Variants in NME7 observed in about 807,000 individuals in gnomAD.
NME7 encodes nucleoside diphosphate kinase 7.
NME7 carries 41 observed loss-of-function variants against 49.1 expected under a neutral mutation model. The ratio of observed to expected loss-of-function variants is 0.83; its 90% CI spans 0.65 to 1.08. The LOEUF (loss-of-function observed/expected upper bound fraction) is 1.08, where lower values mean the gene tolerates loss of function less well. Ranked by LOEUF, NME7 falls within the 50% of genes least tolerant of loss-of-function variation. The pLI is 0.00. For synonymous variants in NME7, 139 were observed against 150.6 expected (o/e 0.92, Z 0.56); for missense variants, 423 against 463.4 (o/e 0.91, Z 0.80).
At position 169,274,853 on chromosome 1, in the gene NME7, T is replaced by C. The variant is rs1055947306; in HGVS notation, c.754+12450A>G. On this transcript the variant is annotated intron_variant, in intron 7 of 11. Transcript: ENST00000367811. The stretch of plus-strand genomic sequence containing the variant: ...CTCTGTTTTGGTACCAGTACCATGC[T>C]GTTTTGGTTACTGTAGCCTTGTAGT... 3.1e-4 allele frequency among the ~76,000 whole-genome samples: 41 copies of C among 134,100 alleles called. 4 individuals are homozygous for C. The highest frequency in any genetic ancestry group is 9.6e-4 in the African/African-American group (38 of 39,686). The allele number at this position is 134,100 out of a possible 152,430, so 88.0% of individuals were successfully genotyped here. A position where few individuals can be genotyped will look rare whatever the true frequency, so the allele number is the denominator to read the frequency against.
At chr1:169,188,530 C>A (rs973961793) in intron 10 of NME7, among the ~76,000 whole-genome samples, 1 of 152,190 alleles carries the variant, frequency 6.6e-6, no homozygotes, top group African/African-American at 2.4e-5. Context: ...CCACAAAGAG[C>A]ACACCTGGCT....
intron 10 of NME7, among the ~76,000 whole-genome samples, chr1:169,193,154 T>C (rs1473933307): frequency 6.6e-6 from 1 of 151,994 alleles, no homozygotes; most frequent in Non-Finnish European, 1.5e-5. Flanking sequence ...CCACAAATAA[T>C]AATAATAATA....
chr1:169,246,990 T>C (rs1442976804), intron 7 of NME7: 3 of 454,592 alleles, frequency 6.6e-6, no homozygotes, highest in African/African-American at 2.0e-5. Context: ...CTCCATACCA[T>C]CATAGGGACA....
intron 3 of NME7, among the ~76,000 whole-genome samples, chr1:169,319,116 T>A (rs758083100): frequency 2.0e-5 from 3 of 151,978 alleles, no homozygotes; most frequent in Non-Finnish European, 2.9e-5. Context: ...CATTCATACA[T>A]TATGATATCC....
chr1:169,211,034 C>T (rs1187324351), intron 10 of NME7, among the ~76,000 whole-genome samples: 1 of 151,904 alleles, frequency 6.6e-6, no homozygotes, highest in Non-Finnish European at 1.5e-5. Flanking sequence ...AGTTCAGCTC[C>T]AGATCATTAG....
At chr1:169,302,628 G>A (rs142356547) in intron 5 of NME7, among the ~76,000 whole-genome samples, 197 of 152,220 alleles carry the variant, frequency 1.3e-3, no homozygotes, top group African/African-American at 4.4e-3. Context: ...AGAAAGGGAA[G>A]GGAGCAAGGG....
chr1:169,319,144 T>TA (rs1366648753), intron 3 of NME7, among the ~76,000 whole-genome samples: 4 of 152,088 alleles, frequency 2.6e-5, no homozygotes, highest in African/African-American at 9.6e-5. Flanking sequence ...GTAATCCTGC[T>TA]AAACTATATA....
chr1:169,350,741 G>A (rs1329398922), intron 1 of NME7, among the ~76,000 whole-genome samples: 1 of 152,110 alleles, frequency 6.6e-6, no homozygotes, highest in Non-Finnish European at 1.5e-5. Flanking sequence ...AGCACTTACT[G>A]ATATGGTATT....
chr1:169,345,269 A>G (rs779517969), intron 1 of NME7, among the ~76,000 whole-genome samples: 12 of 139,934 alleles, frequency 8.6e-5, no homozygotes, highest in Non-Finnish European at 1.9e-4. Flanking sequence ...ATTGTTTCCA[A>G]TAACTAATTT....
At chr1:169,184,290 A>T (rs913833612) in intron 10 of NME7, among the ~76,000 whole-genome samples, 2 of 152,236 alleles carry the variant, frequency 1.3e-5, no homozygotes, top group Non-Finnish European at 2.9e-5. Flanking sequence ...TTTTAAAAAA[A>T]TAAATAACTT....
At chr1:169,314,980 G>T (rs947435485) in intron 3 of NME7, among the ~76,000 whole-genome samples, 1 of 151,970 alleles carries the variant, frequency 6.6e-6, no homozygotes, top group Non-Finnish European at 1.5e-5. Flanking sequence ...AGTAATAAAA[G>T]ATTCAATTTA....
intron 1 of NME7, among the ~76,000 whole-genome samples, chr1:169,359,497 T>C (rs1653584726): frequency 6.6e-6 from 1 of 152,004 alleles, no homozygotes; most frequent in Admixed American, 6.6e-5. Flanking sequence ...TATGAGTATA[T>C]ATGTGACCAG....
At chr1:169,234,566 A>T (rs1366076933) in intron 9 of NME7, among the ~76,000 whole-genome samples, 2 of 152,160 alleles carry the variant, frequency 1.3e-5, no homozygotes, top group Non-Finnish European at 2.9e-5. Context: ...TACATAATTT[A>T]TTTCATTTAA....
intron 1 of NME7, among the ~76,000 whole-genome samples, chr1:169,336,490 G>A (rs145361630): frequency 0.013 from 1,907 of 152,154 alleles, 40 homozygotes; most frequent in African/African-American, 0.043. Flanking sequence ...GGTTCTTCAC[G>A]TCCCCATCAG....
At chr1:169,199,487 T>C (rs1660485229) in intron 10 of NME7, among the ~76,000 whole-genome samples, 1 of 146,536 alleles carries the variant, frequency 6.8e-6, no homozygotes. Context: ...ATTATTATTA[T>C]TATTATTTTT....
chr1:169,239,745 T>C (rs1366559423), intron 7 of NME7, among the ~76,000 whole-genome samples: 1 of 152,030 alleles, frequency 6.6e-6, no homozygotes, highest in Non-Finnish European at 1.5e-5. Context: ...CAGTACTTTA[T>C]ATAAAGAGCT....
At chr1:169,184,198 C>A (rs917595281) in intron 10 of NME7, among the ~76,000 whole-genome samples, 19 of 151,494 alleles carry the variant, frequency 1.3e-4, no homozygotes, top group Non-Finnish European at 5.9e-5. Flanking sequence ...GCTATCTGAT[C>A]TCTGCTTTTC....
chr1:169,342,506 CAT>C (rs201398914), intron 1 of NME7, among the ~76,000 whole-genome samples: 2,843 of 103,584 alleles, frequency 0.027, 499 homozygotes, highest in Admixed American at 0.073. Context: ...TATACAAGTA[CAT>C]ATATATATAG....
intron 7 of NME7, among the ~76,000 whole-genome samples, chr1:169,251,290 C>G (rs976085662): frequency 6.6e-6 from 1 of 151,996 alleles, no homozygotes; most frequent in African/African-American, 2.4e-5. Flanking sequence ...ATAAGACTAC[C>G]TACTCCTGCT....
Sources: gnomAD v4.1 joint callset for allele counts (sites outside exome capture counted in the v4.1 genomes callset) on GRCh38, gnomAD v4.1.1 for gene constraint, MANE v1.5 for transcripts, NCBI Gene and HGNC (gene_info 2026-07-23, HGNC 2026-07-21) for gene names.